Variants in RNF123 observed in about 807,000 individuals in gnomAD.
The protein encoded by RNF123 is ring finger protein 123.
In RNF123, 86 loss-of-function variants were observed where a neutral mutation model predicts 168.5. The ratio of observed to expected loss-of-function variants is 0.51; its 90% confidence interval spans 0.43 to 0.61. RNF123 has a LOEUF of 0.61. Among genes scored for constraint, RNF123 ranks in the 20% least tolerant of loss-of-function variants. RNF123 has a pLI of 0.00. For synonymous variants in RNF123, 666 were observed against 689.1 expected, an observed-to-expected ratio of 0.97 and a Z score of 0.52; for missense variants, 1,419 against 1,729.7, an observed-to-expected ratio of 0.82 and a Z score of 3.19.
rs775757213 is a variant in RNF123 at position 49,700,481 on chromosome 3, G to A, written c.1120G>A (p.Val374Ile). 3 of 1,614,116 alleles carry A rather than the reference G, an allele frequency of 1.9e-6. No individual in the cohort carries two copies. The highest frequency in any genetic ancestry group is 1.7e-6 in the Non-Finnish European group (2 of 1,179,994). Reference protein sequence around the residue: ...LLWLFMEDYEVQDCLKQLMMS... With the variant: ...LLWLFMEDYEIQDCLKQLMMS... ...GCATCTCTTCCCCCAGGACTACGAGGTACAAGATTGCCTCAAGCAGTTGAT... is the reference window on the plus strand; with the variant it reads ...GCATCTCTTCCCCCAGGACTACGAGATACAAGATTGCCTCAAGCAGTTGAT... Residue 374 changes from valine (V) to isoleucine (I), a missense_variant, in exon 14 of 39, where the codon GTA becomes ATA. Physicochemically the swap from Val to Ile is conservative, Grantham distance 29. Transcript: ENST00000327697.
chr3:49,713,610 A>T (rs772981423), intron 28 of RNF123, 23 bp downstream of exon 28: 2 of 1,607,076 alleles, frequency 1.2e-6, no homozygotes, highest in Admixed American at 3.4e-5. Context: ...TACAGAGGGT[A>T]CAGGGGGAGG....
intron 26 of RNF123, among the ~76,000 whole-genome samples, chr3:49,711,187 T>C (rs1442151060): frequency 6.6e-6 from 1 of 152,148 alleles, no homozygotes; most frequent in Non-Finnish European, 1.5e-5. Flanking sequence ...AATACAAAAA[T>C]TAGCAGGGCG....
Position 49,700,458 on chromosome 3 carries a change from A to G in RNF123, c.1111-14A>G, listed in dbSNP as rs181213022. The G allele has an allele frequency of 4.1e-4, 666 of 1,613,450 alleles. 7 individuals are homozygous for G. In the East Asian group the frequency reaches 0.011, roughly 28 times the overall value. On this transcript the variant is annotated splice_polypyrimidine_tract_variant and intron_variant, in intron 13 of 38. Transcript: ENST00000327697. ...AGGCCCCAGTCATGGCTGCCTTGGC[A>G]TCTCTTCCCCCAGGACTACGAGGTA...
At chr3:49,697,576 C>T (rs534521396) in intron 5 of RNF123, 119 bp downstream of exon 5, 3 of 784,542 alleles carry the variant, frequency 3.8e-6, no homozygotes, top group Non-Finnish European at 6.1e-6. Context: ...AAAACTTGTC[C>T]TGACGTGGCC....
At chr3:49,718,347 A>T in intron 35 of RNF123, 7 of 1,613,366 alleles carry the variant, frequency 4.3e-6, no homozygotes, top group Non-Finnish European at 5.9e-6. Context: ...CTGGGCGCGG[A>T]AAGTGCACGC....
At chr3:49,704,834 C>A in intron 22 of RNF123, 78 bp downstream of exon 22, 1 of 1,427,364 alleles carries the variant, frequency 7.0e-7, no homozygotes, top group Non-Finnish European at 9.5e-7. Context: ...CATCCAGGGC[C>A]ACTTCCCGCT....
chr3:49,721,269 G>C lies in RNF123; in HGVS notation c.3909G>C (p.Lys1303Asn). Residue 1303 changes from lysine (K) to asparagine (N), a missense_variant, in exon 39 of 39, where the codon AAG becomes AAC. By Grantham distance (94) the Lys-to-Asn change is moderately conservative. Around this residue, in one of 5 missense-constraint regions of RNF123, gnomAD observed 50 missense variants for 77.2 expected, o/e 0.65. Transcript: ENST00000327697. ...TCGTGTCTGTAGAGGACTGGGAGAA[G>C]GGAGCCAATACGAGTACTACCTCCT... ...TTIVSVEDWE[K>N]GANTSTTSSA... 6.2e-7 allele frequency: 1 copy of C among 1,614,194 alleles called. No homozygotes were observed. The highest frequency in any genetic ancestry group is 1.6e-4 in the Middle Eastern group (1 of 6,062).
At chr3:49,690,029 A>C (rs1302046619) in intron 1 of RNF123, among the ~76,000 whole-genome samples, 1 of 151,940 alleles carries the variant, frequency 6.6e-6, no homozygotes. Context: ...GTGAAGGGGC[A>C]CCGATCATGG....
Position 49,720,794 on chromosome 3 carries a change from C to G in RNF123, c.3644-6C>G, listed in dbSNP as rs762312665. The G allele has an allele frequency of 5.6e-6, 9 of 1,614,016 alleles. No individual in the cohort carries two copies. The East Asian group carries it at 2.0e-4, about 36-fold the overall frequency. On this transcript the variant is annotated splice_polypyrimidine_tract_variant and splice_region_variant and intron_variant, in intron 36 of 38. Coordinates refer to ENST00000327697, the MANE Select transcript of RNF123 (RefSeq NM_022064.5). Reference sequence around the variant, plus strand: ...CTCTGACTTGACACTACCTACCACTCCCCAGATGCGGATTATATCAGTGCC... The same window carrying G: ...CTCTGACTTGACACTACCTACCACTGCCCAGATGCGGATTATATCAGTGCC...
At chr3:49,718,990 A>G in intron 35 of RNF123, 13 of 1,613,802 alleles carry the variant, frequency 8.1e-6, no homozygotes, top group Non-Finnish European at 1.1e-5. Context: ...GAGATGGCTG[A>G]GCGCGCGCAG....
intron 35 of RNF123, chr3:49,718,673 GGAA>G: frequency 6.2e-7 from 1 of 1,613,002 alleles, no homozygotes; most frequent in Non-Finnish European, 8.5e-7. Flanking sequence ...CGGCTGTGCT[GGAA>G]GAAGCGCACG....
intron 3 of RNF123, among the ~76,000 whole-genome samples, chr3:49,692,128 C>A (rs542630161): frequency 6.6e-6 from 1 of 152,060 alleles, no homozygotes; most frequent in Non-Finnish European, 1.5e-5. Flanking sequence ...ACCTGTAGTC[C>A]CAGCTGTTAG....
Position 49,714,161 on chromosome 3 carries a change from G to T in RNF123, c.2997G>T (p.Leu999Phe), listed in dbSNP as rs749690153. 33 of 1,614,016 alleles carry T rather than the reference G, an allele frequency of 2.0e-5. No homozygotes were observed. Among genetic ancestry groups the T allele is most frequent in the African/African-American group, 2.7e-5 (2 of 74,928 alleles). ...LLKTKLEDAN[L>F]PSLQKPCPST... ...AAACCAAACTTGAGGACGCCAATTT[G>T]CCCAGCCTCCAGAGTGAGTATCTGG... The change falls in exon 31 of 39, where the codon TTG becomes TTT. Residue 999 changes from leucine to phenylalanine, a missense_variant. By Grantham distance (22) the Leu-to-Phe change is conservative. Around this residue, in one of 5 missense-constraint regions of RNF123, gnomAD observed 538 missense variants for 708.8 expected, o/e 0.76. Coordinates refer to ENST00000327697, the MANE Select transcript of RNF123 (RefSeq NM_022064.5).
chr3:49,701,166 G>GC (rs2054374290), intron 15 of RNF123, among the ~76,000 whole-genome samples: 1 of 152,228 alleles, frequency 6.6e-6, no homozygotes, highest in African/African-American at 2.4e-5. Context: ...CCTCCAGGAG[G>GC]CAGACACAAA....
intron 13 of RNF123, 56 bp from the exon 14 acceptor site, chr3:49,700,416 G>A (rs879100056): frequency 5.0e-5 from 80 of 1,611,820 alleles, no homozygotes; most frequent in East Asian, 6.7e-5. Context: ...GGGAAGATAC[G>A]GGGAGAATCT....
intron 7 of RNF123, 86 bp from the exon 8 acceptor site, chr3:49,698,354 C>T (rs2054309770): frequency 8.8e-7 from 1 of 1,134,788 alleles, no homozygotes; most frequent in South Asian, 1.3e-5. Flanking sequence ...TCTGTAGAGC[C>T]ATATGCATCC....
chr3:49,706,981 C>A, intron 26 of RNF123, 83 bp downstream of exon 26: 1 of 1,107,412 alleles, frequency 9.0e-7, no homozygotes, highest in Non-Finnish European at 1.4e-6. Context: ...CCCTTGATGC[C>A]CCCACCCTCT....
Position 49,713,757 on chromosome 3 carries a change from G to C in RNF123, c.2769G>C (p.Met923Ile). The C allele has an allele frequency of 3.7e-6, 6 of 1,606,396 alleles. No homozygotes were observed. Among genetic ancestry groups the C allele is most frequent in the Non-Finnish European group, 4.2e-6 (5 of 1,176,766 alleles). Residue 923 changes from methionine (M) to isoleucine (I), a missense_variant, in exon 29 of 39, where the codon ATG becomes ATC. Met to Ile is a conservative substitution (Grantham distance 10). This residue lies in a region of RNF123 where 538 missense variants were observed against 708.8 expected (regional missense o/e 0.76). Transcript: ENST00000327697. Reference protein sequence around the residue: ...IVGTDIRDSLMQALASYVCYP... With the variant: ...IVGTDIRDSLIQALASYVCYP... ...CCGCAGACATCCGAGACTCACTGAT[G>C]CAGGCCCTGGCCAGCTACGTGTGCT... is the stretch of plus-strand genomic sequence containing the variant.
At chr3:49,701,984 T>C in intron 17 of RNF123, 74 bp downstream of exon 17, 1 of 1,552,852 alleles carries the variant, frequency 6.4e-7, no homozygotes, top group Non-Finnish European at 8.8e-7. Flanking sequence ...GGTGCCCATG[T>C]CTAGGTGGGA....
Sources: gnomAD v4.1 joint callset for allele counts (sites outside exome capture counted in the v4.1 genomes callset) on GRCh38, gnomAD v4.1.1 for gene constraint, gnomAD v4.1.1 regional missense constraint, MANE v1.5 for transcripts, NCBI Gene and HGNC (gene_info 2026-07-23, HGNC 2026-07-21) for gene names.